Variants in SIAH3 observed in about 807,000 individuals in gnomAD.
SIAH3 encodes siah E3 ubiquitin protein ligase family member 3.
In SIAH3, 9 loss-of-function variants were observed where a neutral mutation model predicts 12.6. The observed-to-expected ratio is 0.72, with a 90% confidence interval of 0.43 to 1.25. SIAH3 has a LOEUF of 1.25. SIAH3 is among the 50% of genes most tolerant of loss of function. The probability of loss-of-function intolerance (pLI) is 0.00; values close to 1 mark genes in which losing one functional copy is unlikely to be tolerated. For missense variants in SIAH3, 390 were observed against 365.4 expected, an observed-to-expected ratio of 1.07 and a Z score of -0.55; for synonymous variants, 154 against 151.1, an observed-to-expected ratio of 1.02 and a Z score of -0.14.
At chr13:45,828,073 G>A (rs959053148) in intron 1 of SIAH3, among the ~76,000 whole-genome samples, 6 of 152,208 alleles carry the variant, frequency 3.9e-5, no homozygotes, top group South Asian at 2.1e-4. Context: ...TTTCAGCCAT[G>A]TCTTAGCTCC....
chr13:45,805,549 C>T (rs190656830), intron 1 of SIAH3, among the ~76,000 whole-genome samples: 248 of 152,254 alleles, frequency 1.6e-3, no homozygotes, highest in Non-Finnish European at 2.8e-3. Context: ...AAATGGACCT[C>T]TACCTTTCGC....
chr13:45,784,424 T>G (rs1411456491), intron 1 of SIAH3, among the ~76,000 whole-genome samples: 1 of 139,142 alleles, frequency 7.2e-6, no homozygotes, highest in African/African-American at 2.7e-5. Context: ...TTTTTTTTGC[T>G]TTTTTGATAT....
In SIAH3 at chr13:45,788,220, A is replaced by G. The variant is rs565358362; in HGVS notation, c.136-4163T>C. Among the ~76,000 whole-genome samples the G allele has an allele frequency of 5.3e-5, 8 of 152,344 alleles. No individual in the cohort carries two copies. In the East Asian group the frequency reaches 1.5e-3, roughly 29 times the overall value. On this transcript the variant is annotated intron_variant, in intron 1 of 1. Coordinates refer to ENST00000400405, the MANE Select transcript of SIAH3 (RefSeq NM_198849.3). ...ATGATCCTTGGGTGAGTGAGGTCAC[A>G]GGGCTGCTGGCAGGGAGAAGGGATT... is the stretch of plus-strand genomic sequence containing the variant.
rs778157010 is a variant in SIAH3 at position 45,783,380 on chromosome 13, G to T, written c.*3C>A. On this transcript the variant is annotated 3_prime_UTR_variant, in exon 2 of 2. Transcript: ENST00000400405. ...GTGTGGGGAGCATCCGTGGCTCCTG[G>T]CCTCACATTTCAGCTTCTGAGGGGA... 9 of 1,604,690 alleles carry T rather than the reference G, an allele frequency of 5.6e-6. No homozygotes were observed. The highest frequency in any genetic ancestry group is 2.6e-6 in the Non-Finnish European group (3 of 1,173,146).
chr13:45,808,999 A>G (rs941511621), intron 1 of SIAH3, among the ~76,000 whole-genome samples: 2 of 152,234 alleles, frequency 1.3e-5, no homozygotes, highest in Non-Finnish European at 1.5e-5. Context: ...TCGGCAGTAC[A>G]TCCCACACAG....
At chr13:45,803,908 G>GGT (rs1359966980) in intron 1 of SIAH3, among the ~76,000 whole-genome samples, 1 of 152,080 alleles carries the variant, frequency 6.6e-6, no homozygotes, top group Non-Finnish European at 1.5e-5. Flanking sequence ...ATTCCAGGTA[G>GGT]GTGGGGTAAG....
At chr13:45,841,443 C>G (rs1001032718) in intron 1 of SIAH3, among the ~76,000 whole-genome samples, 5 of 152,322 alleles carry the variant, frequency 3.3e-5, no homozygotes, top group Admixed American at 2.6e-4. Flanking sequence ...CTACCGTTTC[C>G]TTTCTCAGGC....
chr13:45,793,435 T>C (rs867116449), intron 1 of SIAH3, among the ~76,000 whole-genome samples: 14 of 152,196 alleles, frequency 9.2e-5, no homozygotes, highest in African/African-American at 3.1e-4. Context: ...AGGGGTTCCT[T>C]ATTCTAACTA....
intron 1 of SIAH3, among the ~76,000 whole-genome samples, chr13:45,848,799 T>C (rs115499798): frequency 0.015 from 2,267 of 152,318 alleles, 58 homozygotes; most frequent in African/African-American, 0.051. Context: ...TTGGTCACCA[T>C]TTCATATACT....
intron 1 of SIAH3, among the ~76,000 whole-genome samples, chr13:45,839,225 C>T (rs1950730377): frequency 6.7e-6 from 1 of 149,110 alleles, no homozygotes; most frequent in Admixed American, 6.7e-5. Flanking sequence ...TTCTCCTCTT[C>T]TTTTTTTTTT....
At chr13:45,785,250 T>G (rs1176402166) in intron 1 of SIAH3, among the ~76,000 whole-genome samples, 1 of 152,184 alleles carries the variant, frequency 6.6e-6, no homozygotes, top group Admixed American at 6.5e-5. Flanking sequence ...AGCTCTGCAG[T>G]GCGCTCCAGG....
chr13:45,830,052 A>C (rs897585717), intron 1 of SIAH3, among the ~76,000 whole-genome samples: 5 of 152,080 alleles, frequency 3.3e-5, no homozygotes, highest in African/African-American at 1.2e-4. Context: ...AATGCAGTCC[A>C]TTTTTCTTCC....
chr13:45,806,481 C>T (rs1950598836), intron 1 of SIAH3, among the ~76,000 whole-genome samples: 1 of 152,176 alleles, frequency 6.6e-6, no homozygotes, highest in Admixed American at 6.5e-5. Context: ...AAACCAAATA[C>T]CACATGTTCT....
chr13:45,819,315 A>G (rs1489587657), intron 1 of SIAH3, among the ~76,000 whole-genome samples: 1 of 152,208 alleles, frequency 6.6e-6, no homozygotes, highest in African/African-American at 2.4e-5. Context: ...TACTTCTAAC[A>G]GATACAGGAT....
chr13:45,783,965 G>A lies in SIAH3; in HGVS notation c.228C>T (p.Arg76=), dbSNP rs201473865. The A allele has an allele frequency of 1.2e-5, 19 of 1,605,820 alleles. No homozygotes were observed. The East Asian group carries it at 3.3e-4, about 28-fold the overall frequency. The change falls in exon 2 of 2, where the codon CGC becomes CGT. Residue 76 remains arginine (R), a synonymous_variant. Coordinates refer to ENST00000400405, the MANE Select transcript of SIAH3 (RefSeq NM_198849.3). ...HHLSHHHCHH[R]HHHHLRHHAH... ...CGTGGTGGCGGAGGTGGTGGTGGTG[G>A]CGGTGGTGGCAGTGGTGGTGGGAGA...
chr13:45,811,794 G>T lies in SIAH3; in HGVS notation c.136-27737C>A, dbSNP rs544645488. 3.3e-5 allele frequency among the ~76,000 whole-genome samples: 5 copies of T among 152,276 alleles called. No homozygotes were observed. In the East Asian group the frequency reaches 9.7e-4, roughly 29 times the overall value. On this transcript the variant is annotated intron_variant, in intron 1 of 1. Coordinates refer to ENST00000400405, the MANE Select transcript of SIAH3 (RefSeq NM_198849.3). ...ATCTTTCCAAGTATGCCTCAGCCAG[G>T]CTTCTTCATTTTTGCCTCTTGGGTG...
intron 1 of SIAH3, among the ~76,000 whole-genome samples, chr13:45,802,067 G>C (rs1403272768): frequency 6.6e-6 from 1 of 152,200 alleles, no homozygotes; most frequent in Non-Finnish European, 1.5e-5. Context: ...AGCACTTTGG[G>C]AGGCTGAAGC....
At chr13:45,793,304 C>T (rs1035913011) in intron 1 of SIAH3, among the ~76,000 whole-genome samples, 2 of 152,212 alleles carry the variant, frequency 1.3e-5, no homozygotes, top group Non-Finnish European at 2.9e-5. Context: ...CAATCTGATG[C>T]CTCCAGGCCA....
intron 1 of SIAH3, among the ~76,000 whole-genome samples, chr13:45,848,970 T>A (rs1950770083): frequency 6.6e-6 from 1 of 152,254 alleles, no homozygotes; most frequent in African/African-American, 2.4e-5. Flanking sequence ...GTGGTCTGTT[T>A]ATGGAAATCA....
Sources: gnomAD v4.1 joint callset for allele counts (sites outside exome capture counted in the v4.1 genomes callset) on GRCh38, gnomAD v4.1.1 for gene constraint, MANE v1.5 for transcripts, NCBI Gene and HGNC (gene_info 2026-07-23, HGNC 2026-07-21) for gene names.